The following PAMR1 variants were observed in gnomAD, a reference collection of about 807,000 sequenced individuals.
PAMR1 encodes inactive serine protease PAMR1.
Under a neutral mutation model 81.8 loss-of-function variants are expected in PAMR1, and 88 were observed. That is an observed-to-expected ratio of 1.08 (90% CI 0.91 to 1.28). The LOEUF (loss-of-function observed/expected upper bound fraction) is 1.28. PAMR1 is among the 50% of genes most tolerant of loss of function. The pLI is 0.00. For synonymous variants in PAMR1, 336 were observed against 345.3 expected (o/e 0.97, Z 0.30); for missense variants, 935 against 919.7 (o/e 1.02, Z -0.21).
intron 1 of PAMR1, among the ~76,000 whole-genome samples, chr11:35,497,565 T>G (rs1381156885): frequency 6.6e-6 from 1 of 152,178 alleles, no homozygotes; most frequent in Non-Finnish European, 1.5e-5. Flanking sequence ...ATGGCACATT[T>G]TCTTAGCCTT....
intron 1 of PAMR1, among the ~76,000 whole-genome samples, chr11:35,514,937 C>G (rs1851135854): frequency 6.6e-6 from 1 of 152,168 alleles, no homozygotes; most frequent in South Asian, 2.1e-4. Flanking sequence ...CCCAGCAGGT[C>G]AAGACTGCAG....
chr11:35,495,473 G>A (rs1196235671), intron 1 of PAMR1, among the ~76,000 whole-genome samples: 1 of 152,164 alleles, frequency 6.6e-6, no homozygotes, highest in African/African-American at 2.4e-5. Context: ...CCCAGAAGAA[G>A]TCAGGCTAAG....
chr11:35,468,012 C>T lies in PAMR1; in HGVS notation c.809G>A (p.Arg270His), dbSNP rs369548670. ...GGAAGCATACTCACGATTTTCACAG[C>T]GCTGCCCAGTATAGCCTGCCAAGCA... The part of the protein sequence containing the change: ...CACLAGYTGQ[R>H]CENLLEERNC... Residue 270 changes from arginine (R) to histidine (H), a missense_variant, in exon 6 of 11, where the codon CGC (arginine) becomes CAC (histidine). By Grantham distance (29) the Arg-to-His change is conservative. Coordinates refer to ENST00000619888, the MANE Select transcript of PAMR1 (RefSeq NM_001001991.3). The T allele has an allele frequency of 1.7e-4, 265 of 1,556,986 alleles. No individual in the cohort carries two copies. Among genetic ancestry groups the T allele is most frequent in the Non-Finnish European group, 2.1e-4 (237 of 1,147,962 alleles).
intron 3 of PAMR1, among the ~76,000 whole-genome samples, chr11:35,489,336 T>C (rs1233316099): frequency 6.6e-6 from 1 of 152,194 alleles, no homozygotes; most frequent in Non-Finnish European, 1.5e-5. Context: ...AAACTAAGAA[T>C]TTGAAAGGCA....
At chr11:35,505,979 T>C (rs1850942624) in intron 1 of PAMR1, among the ~76,000 whole-genome samples, 1 of 152,158 alleles carries the variant, frequency 6.6e-6, no homozygotes, top group South Asian at 2.1e-4. Flanking sequence ...TCTCGGGTAG[T>C]ATGTTTGAAT....
chr11:35,513,308 G>A (rs929191776), intron 1 of PAMR1: 1 of 152,120 alleles, frequency 6.6e-6, no homozygotes, highest in Non-Finnish European at 1.5e-5. Flanking sequence ...CTATAGCATA[G>A]GGACAATTAA....
intron 4 of PAMR1, among the ~76,000 whole-genome samples, chr11:35,473,099 A>AT (rs941496224): frequency 3.3e-5 from 5 of 151,998 alleles, no homozygotes; most frequent in African/African-American, 1.2e-4. Flanking sequence ...TGGATGGACT[A>AT]TTTTTCAAGC....
chr11:35,524,277 A>G (rs535542223), intron 1 of PAMR1, among the ~76,000 whole-genome samples: 13 of 152,266 alleles, frequency 8.5e-5, no homozygotes, highest in African/African-American at 2.9e-4. Context: ...TGAAACACTC[A>G]CCATCTTTAT....
chr11:35,503,283 C>CTT (rs35661071), intron 1 of PAMR1, among the ~76,000 whole-genome samples: 2 of 139,770 alleles, frequency 1.4e-5, no homozygotes, highest in Admixed American at 7.0e-5. Context: ...ATGTCTCCAG[C>CTT]TTTTTTTTTT....
At chr11:35,498,827 GA>G (rs1485615675) in intron 1 of PAMR1, among the ~76,000 whole-genome samples, 4 of 152,190 alleles carry the variant, frequency 2.6e-5, no homozygotes, top group Admixed American at 1.3e-4. Flanking sequence ...CGCCTGTTCA[GA>G]GAGGTCCTCC....
chr11:35,473,483 A>G (rs939288835), intron 4 of PAMR1, among the ~76,000 whole-genome samples: 3 of 152,160 alleles, frequency 2.0e-5, no homozygotes, highest in African/African-American at 7.2e-5. Flanking sequence ...ATCCCTGCAG[A>G]CCCAGCCTTG....
chr11:35,510,145 A>T (rs1282831775), intron 1 of PAMR1, among the ~76,000 whole-genome samples: 1 of 152,212 alleles, frequency 6.6e-6, no homozygotes, highest in Non-Finnish European at 1.5e-5. Flanking sequence ...TCATTTTTAG[A>T]GCAATTTTAG....
At chr11:35,478,059 G>A (rs1850315423) in intron 3 of PAMR1, among the ~76,000 whole-genome samples, 1 of 152,138 alleles carries the variant, frequency 6.6e-6, no homozygotes, top group Non-Finnish European at 1.5e-5. Flanking sequence ...AGCTCCCTCA[G>A]CAAACCTCCT....
At chr11:35,444,766 G>C (rs2135346423) in intron 6 of PAMR1, among the ~76,000 whole-genome samples, 1 of 152,302 alleles carries the variant, frequency 6.6e-6, no homozygotes, top group African/African-American at 2.4e-5. Context: ...TTTGAAGTTG[G>C]TTAGTGTGAT....
rs776860450 is a variant in PAMR1, at chr11:35,525,593, G to A, written c.-8C>T. ...CCAGCAACCCAGCTCCATCCTTGCC[G>A]CGGCTGGTGCCCGAGCGTCTACTGG... On this transcript the variant is annotated 5_prime_UTR_variant, in exon 1 of 11. Coordinates refer to ENST00000619888, the MANE Select transcript of PAMR1 (RefSeq NM_001001991.3). 9.3e-6 allele frequency: 15 copies of A among 1,613,374 alleles called. No homozygotes were observed. In the South Asian group the frequency reaches 1.5e-4, roughly 17 times the overall value.
Position 35,451,876 on chromosome 11 carries a change from G to T in PAMR1, c.821-10183C>A, listed in dbSNP as rs907751415. ...ATACAGCAAGAAGTCAGCATCTGAAGCAAGCCCTCACCAGACAATGAATCT... is the reference window on the plus strand; with the variant it reads ...ATACAGCAAGAAGTCAGCATCTGAATCAAGCCCTCACCAGACAATGAATCT... On this transcript the variant is annotated intron_variant, in intron 6 of 10. Coordinates refer to ENST00000619888, the MANE Select transcript of PAMR1 (RefSeq NM_001001991.3). The T allele has an allele frequency of 9.9e-6, 7 of 706,088 alleles. No individual in the cohort carries two copies. In the Admixed American group the frequency reaches 1.4e-4, roughly 15 times the overall value. 43.7% of individuals were successfully genotyped at this position (706,088 alleles called of 1,614,324 possible).
Position 35,525,615 on chromosome 11 carries a change from C to T in PAMR1, c.-30G>A. 2 of 1,608,794 alleles carry T rather than the reference C, an allele frequency of 1.2e-6. No homozygotes were observed. The highest frequency in any genetic ancestry group is 1.7e-6 in the Non-Finnish European group (2 of 1,176,292). ...GCCGCGGCTGGTGCCCGAGCGTCTACTGGGGAGGGAGAGGAGGGACCCAGG... is the reference window on the plus strand; with the variant it reads ...GCCGCGGCTGGTGCCCGAGCGTCTATTGGGGAGGGAGAGGAGGGACCCAGG... On this transcript the variant is annotated 5_prime_UTR_variant, in exon 1 of 11. Transcript: ENST00000619888.
At chr11:35,478,398 T>C (rs541277039) in intron 3 of PAMR1, among the ~76,000 whole-genome samples, 16 of 152,246 alleles carry the variant, frequency 1.1e-4, no homozygotes, top group African/African-American at 3.9e-4. Flanking sequence ...ATGCAACATC[T>C]CCATTCTTCT....
intron 7 of PAMR1, among the ~76,000 whole-genome samples, chr11:35,440,786 G>C (rs1223687981): frequency 6.6e-6 from 1 of 152,144 alleles, no homozygotes; most frequent in Non-Finnish European, 1.5e-5. Flanking sequence ...AGTTTACCAT[G>C]ATGACTTCAC....
Sources: allele counts gnomAD v4.1 joint callset (sites outside exome capture counted in the v4.1 genomes callset), GRCh38; gene constraint gnomAD v4.1.1; transcripts MANE v1.5; gene names NCBI Gene and HGNC (gene_info 2026-07-23, HGNC 2026-07-21).